The following NPAS3 variants were observed in gnomAD, a reference collection of about 807,000 sequenced individuals.
NPAS3 encodes the protein neuronal PAS domain-containing protein 3.
A neutral mutation model predicts 73.1 loss-of-function variants in NPAS3; 14 were observed. That is an observed-to-expected ratio of 0.19 (90% CI 0.13 to 0.30). NPAS3 has a LOEUF of 0.30. Among genes scored for constraint, NPAS3 ranks in the 10% least tolerant of loss-of-function variants. NPAS3 has a pLI of 1.00. For synonymous variants in NPAS3, 620 were observed against 541.5 expected (o/e 1.14, Z -2.01); for missense variants, 1,096 against 1,250.0 (o/e 0.88, Z 1.86).
intron 4 of NPAS3, among the ~76,000 whole-genome samples, chr14:33,520,589 T>C (rs1472121439): frequency 1.3e-5 from 2 of 152,152 alleles, no homozygotes; most frequent in African/African-American, 2.4e-5. Context: ...AAGTGCCGTT[T>C]TGAGTTTGTG....
intron 3 of NPAS3, among the ~76,000 whole-genome samples, chr14:33,294,071 T>G (rs1302963605): frequency 3.3e-5 from 5 of 152,062 alleles, no homozygotes; most frequent in Admixed American, 3.3e-4. Context: ...AAACACAAAT[T>G]TTGTGCAACT....
chr14:33,707,006 TA>T (rs1179623248), intron 6 of NPAS3, among the ~76,000 whole-genome samples: 2 of 152,216 alleles, frequency 1.3e-5, no homozygotes, highest in Non-Finnish European at 2.9e-5. Flanking sequence ...ATACACCCAT[TA>T]AAATAAAATA....
intron 2 of NPAS3, among the ~76,000 whole-genome samples, chr14:33,209,688 A>C (rs1368333309): frequency 6.6e-6 from 1 of 152,234 alleles, no homozygotes; most frequent in Non-Finnish European, 1.5e-5. Flanking sequence ...TAAGCAAAAC[A>C]AGTAGGAAAA....
At chr14:32,978,960 T>G (rs1186000061) in intron 1 of NPAS3, among the ~76,000 whole-genome samples, 2 of 152,184 alleles carry the variant, frequency 1.3e-5, no homozygotes, top group Non-Finnish European at 2.9e-5. Context: ...TCTGCTTGTG[T>G]TTGTATCTCC....
intron 3 of NPAS3, among the ~76,000 whole-genome samples, chr14:33,341,230 G>A (rs919689086): frequency 1.3e-5 from 2 of 152,230 alleles, no homozygotes; most frequent in Middle Eastern, 3.4e-3. Context: ...GAAGCCACAC[G>A]CCATCTCAAA....
At chr14:33,608,720 G>T (rs1434922563) in intron 5 of NPAS3, 2 of 152,030 alleles carry the variant, frequency 1.3e-5, no homozygotes, top group Non-Finnish European at 1.5e-5. Flanking sequence ...AGGGTTTGTT[G>T]GACAGATTAT....
At chr14:33,208,746 C>T (rs550788433) in intron 2 of NPAS3, among the ~76,000 whole-genome samples, 1 of 152,208 alleles carries the variant, frequency 6.6e-6, no homozygotes, top group African/African-American at 2.4e-5. Context: ...CTTTGTCAGC[C>T]AAGCTTAATA....
At chr14:33,037,600 A>G (rs1038650837) in intron 1 of NPAS3, among the ~76,000 whole-genome samples, 1 of 152,160 alleles carries the variant, frequency 6.6e-6, no homozygotes, top group Non-Finnish European at 1.5e-5. Flanking sequence ...CAGGAGGTTG[A>G]GGCTGCAGTG....
At chr14:33,282,855 C>T (rs1235070751) in intron 3 of NPAS3, among the ~76,000 whole-genome samples, 1 of 152,128 alleles carries the variant, frequency 6.6e-6, no homozygotes, top group Non-Finnish European at 1.5e-5. Flanking sequence ...TGTACTGTCT[C>T]ATCATGAGAA....
chr14:33,358,753 G>C (rs775243049), intron 3 of NPAS3, among the ~76,000 whole-genome samples: 5 of 152,162 alleles, frequency 3.3e-5, no homozygotes, highest in Non-Finnish European at 5.9e-5. Flanking sequence ...ACAGATAGGG[G>C]CTCAACAAAT....
At chr14:33,442,722 G>C (rs1202536918) in intron 4 of NPAS3, among the ~76,000 whole-genome samples, 12 of 152,212 alleles carry the variant, frequency 7.9e-5, no homozygotes, top group Admixed American at 7.9e-4. Context: ...ATACTGAACT[G>C]TGAGTCAATT....
rs567053650 is a variant in NPAS3, at chr14:33,657,741, T to G, written c.559-18470T>G. ...AGGAGTAGTCCTCATGGATTTATTT[T>G]TCACATAAAATTGTTCAAATACACA... is the stretch of plus-strand genomic sequence containing the variant. On this transcript the variant is annotated intron_variant, in intron 5 of 11. Transcript: ENST00000356141. 2.0e-5 allele frequency among the ~76,000 whole-genome samples: 3 copies of G among 152,302 alleles called. No individual in the cohort carries two copies. In the East Asian group the frequency reaches 5.8e-4, roughly 29 times the overall value.
intron 7 of NPAS3, among the ~76,000 whole-genome samples, chr14:33,757,856 T>A (rs1321228540): frequency 6.6e-6 from 1 of 152,178 alleles, no homozygotes; most frequent in East Asian, 1.9e-4. Flanking sequence ...CATTCATTCT[T>A]TACCCTCATG....
chr14:33,035,650 C>A (rs1037611869), intron 1 of NPAS3, among the ~76,000 whole-genome samples: 2 of 152,196 alleles, frequency 1.3e-5, no homozygotes, highest in Non-Finnish European at 2.9e-5. Flanking sequence ...TCACTTGGCA[C>A]AGCATTTTCC....
chr14:33,326,014 T>C (rs1396313091), intron 3 of NPAS3, among the ~76,000 whole-genome samples: 1 of 152,338 alleles, frequency 6.6e-6, no homozygotes, highest in South Asian at 2.1e-4. Context: ...TTATTTGTTA[T>C]GGTGGTTAGA....
chr14:33,648,232 C>T (rs576826911), intron 5 of NPAS3, among the ~76,000 whole-genome samples: 3 of 152,306 alleles, frequency 2.0e-5, no homozygotes, highest in African/African-American at 7.2e-5. Context: ...GGAACAGAAG[C>T]TGCTATCATG....
At chr14:33,163,637 T>G (rs1031968859) in intron 2 of NPAS3, among the ~76,000 whole-genome samples, 14 of 151,624 alleles carry the variant, frequency 9.2e-5, no homozygotes, top group Admixed American at 3.3e-4. Context: ...TTTTTTTTTT[T>G]TTTTTTCAAA....
chr14:33,178,910 C>A (rs2045694422), intron 2 of NPAS3, among the ~76,000 whole-genome samples: 1 of 152,158 alleles, frequency 6.6e-6, no homozygotes, highest in South Asian at 2.1e-4. Flanking sequence ...TAGGAGAAAG[C>A]TTTCAGTCTT....
chr14:33,653,460 C>T (rs749173883), intron 5 of NPAS3, among the ~76,000 whole-genome samples: 2 of 152,228 alleles, frequency 1.3e-5, no homozygotes, highest in East Asian at 1.9e-4. Flanking sequence ...ACAGAATCAA[C>T]GCTGGGAACA....
Sources: allele counts gnomAD v4.1 joint callset (sites outside exome capture counted in the v4.1 genomes callset), GRCh38; gene constraint gnomAD v4.1.1; transcripts MANE v1.5; gene names NCBI Gene and HGNC (gene_info 2026-07-23, HGNC 2026-07-21).